Variants in THSD4 observed in about 807,000 individuals in gnomAD.
THSD4 encodes thrombospondin type 1 domain containing 4, also known as thrombospondin type-1 domain-containing protein 4.
THSD4 carries 69 observed loss-of-function variants against 119.0 expected under a neutral mutation model. That is an observed-to-expected ratio of 0.58 (90% CI 0.48 to 0.71). The LOEUF (loss-of-function observed/expected upper bound fraction) is 0.71, where lower values mean the gene tolerates loss of function less well. Ranked by LOEUF, THSD4 falls within the 30% of genes least tolerant of loss-of-function variation. The pLI, the probability that THSD4 is intolerant of heterozygous loss-of-function variation, is 0.00. For missense variants in THSD4, 1,393 were observed against 1,391.1 expected, an observed-to-expected ratio of 1.00 and a Z score of -0.02; for synonymous variants, 524 against 540.4, an observed-to-expected ratio of 0.97 and a Z score of 0.42.
At chr15:71,289,424 C>T (rs2044762472) in intron 6 of THSD4, among the ~76,000 whole-genome samples, 1 of 152,174 alleles carries the variant, frequency 6.6e-6, no homozygotes, top group Non-Finnish European at 1.5e-5. Context: ...CATGCCCCAT[C>T]CTGTTTTCTC....
At chr15:71,560,970 C>CATTT (rs200892599) in intron 7 of THSD4, among the ~76,000 whole-genome samples, 3 of 123,990 alleles carry the variant, frequency 2.4e-5, no homozygotes, top group South Asian at 2.6e-4. Flanking sequence ...TTCTCTTTAT[C>CATTT]TTTTTTTTTT....
In THSD4 at chr15:71,229,247, C is replaced by T. The variant is rs556532110; in HGVS notation, c.465-13402C>T. Among the ~76,000 whole-genome samples, 7 of 152,294 alleles carry T rather than the reference C, an allele frequency of 4.6e-5. No homozygotes were observed. The South Asian group carries it at 1.5e-3, about 32-fold the overall frequency. On this transcript the variant is annotated intron_variant, in intron 4 of 17. Transcript: ENST00000261862. ...TAAAATAAAGTAACTTTGATCTTTG[C>T]AGTGATGGTTAAATGGGATTACACA...
intron 7 of THSD4, among the ~76,000 whole-genome samples, chr15:71,649,790 G>A (rs921464225): frequency 6.6e-5 from 10 of 152,196 alleles, no homozygotes; most frequent in Non-Finnish European, 1.2e-4. Flanking sequence ...TATGGTATAA[G>A]GAAGGAGTTC....
At chr15:71,738,326 G>C (rs937594126) in intron 11 of THSD4, 5 of 272,482 alleles carry the variant, frequency 1.8e-5, no homozygotes, top group African/African-American at 1.1e-4. Context: ...ACCTCCTGCT[G>C]TGCGACCTGG....
At chr15:71,600,894 T>G (rs4614677) in intron 7 of THSD4, among the ~76,000 whole-genome samples, 46,253 of 151,622 alleles carry the variant, frequency 0.31, 7,544 homozygotes, top group African/African-American at 0.43. Flanking sequence ...TTACAGGCAC[T>G]CACCACCATG....
Position 71,719,337 on chromosome 15 carries a change from A to G in THSD4, c.1358-9212A>G, listed in dbSNP as rs557462930. On this transcript the variant is annotated intron_variant, in intron 8 of 17. Transcript: ENST00000261862. The stretch of plus-strand genomic sequence containing the variant: ...TGAGTCCATCCAAACTCAAAATGCC[A>G]AAGTGAATCTGACTGAAAAAAAATT... 3.3e-5 allele frequency among the ~76,000 whole-genome samples: 5 copies of G among 152,166 alleles called. No individual in the cohort carries two copies. The South Asian group carries it at 1.0e-3, about 32-fold the overall frequency.
At chr15:71,537,561 C>A (rs2048703536) in intron 7 of THSD4, among the ~76,000 whole-genome samples, 2 of 151,964 alleles carry the variant, frequency 1.3e-5, no homozygotes, top group East Asian at 1.9e-4. Flanking sequence ...CTTTGTAATT[C>A]TTTTCACATT....
chr15:71,484,332 TGAG>T (rs2047781127), intron 7 of THSD4, among the ~76,000 whole-genome samples: 2 of 152,216 alleles, frequency 1.3e-5, no homozygotes, highest in African/African-American at 4.8e-5. Context: ...GCTGTTTTCA[TGAG>T]TAAGATCTGA....
chr15:71,332,633 A>G (rs1048661717), intron 6 of THSD4, among the ~76,000 whole-genome samples: 2 of 152,106 alleles, frequency 1.3e-5, no homozygotes, highest in African/African-American at 4.8e-5. Context: ...TGATGTTAAC[A>G]TTTTATGGCC....
intron 7 of THSD4, among the ~76,000 whole-genome samples, chr15:71,537,286 A>C (rs987293580): frequency 6.6e-6 from 1 of 152,118 alleles, no homozygotes; most frequent in African/African-American, 2.4e-5. Context: ...CATACAACAG[A>C]AGTAGCCTTT....
intron 7 of THSD4, among the ~76,000 whole-genome samples, chr15:71,484,492 C>T (rs186568980): frequency 3.5e-4 from 53 of 152,306 alleles, no homozygotes; most frequent in Admixed American, 5.2e-4. Flanking sequence ...CAAACCTGTC[C>T]TGTCCTGAGG....
At chr15:71,430,415 A>G (rs2046926913) in intron 7 of THSD4, among the ~76,000 whole-genome samples, 1 of 152,214 alleles carries the variant, frequency 6.6e-6, no homozygotes, top group Non-Finnish European at 1.5e-5. Context: ...GCACTTTTCA[A>G]GTTGGCTTTG....
intron 1 of THSD4, among the ~76,000 whole-genome samples, chr15:71,116,246 G>A (rs2141349430): frequency 6.6e-6 from 1 of 152,372 alleles, no homozygotes; most frequent in Middle Eastern, 3.4e-3. Context: ...CCTGGAGCCC[G>A]AGTGGATGGG....
At chr15:71,716,880 C>T (rs965103573) in intron 8 of THSD4, among the ~76,000 whole-genome samples, 1 of 152,204 alleles carries the variant, frequency 6.6e-6, no homozygotes, top group African/African-American at 2.4e-5. Context: ...TAATATTTAA[C>T]TCCATGAGGT....
At chr15:71,233,647 C>A (rs2044078928) in intron 4 of THSD4, among the ~76,000 whole-genome samples, 1 of 152,130 alleles carries the variant, frequency 6.6e-6, no homozygotes, top group African/African-American at 2.4e-5. Context: ...TCTGAATGCA[C>A]CATAATTAAA....
intron 7 of THSD4, among the ~76,000 whole-genome samples, chr15:71,589,389 A>ACT (rs199579452): frequency 0.12 from 16,452 of 137,404 alleles, 3,593 homozygotes; most frequent in Admixed American, 0.16. Context: ...ACAGAGTCTC[A>ACT]CTGTCATTCA....
intron 7 of THSD4, among the ~76,000 whole-genome samples, chr15:71,516,123 G>A (rs990392719): frequency 6.6e-6 from 1 of 152,202 alleles, no homozygotes; most frequent in African/African-American, 2.4e-5. Context: ...TCTAAATAAA[G>A]TATCTGCTCT....
rs1397895241 is a variant in THSD4, at chr15:71,590,411, A to G, written c.1153-70119A>G. 1.5e-5 allele frequency among the ~76,000 whole-genome samples: 2 copies of G among 137,556 alleles called. 1 individual carries two copies. The highest frequency in any genetic ancestry group is 3.3e-5 in the Non-Finnish European group (2 of 60,578). 90.2% of individuals were successfully genotyped at this position (137,556 alleles called of 152,430 possible). A position where few individuals can be genotyped will look rare whatever the true frequency, so the allele number is the denominator to read the frequency against. Reference sequence around the variant, plus strand: ...GAACATGATCATGTCCTTTGCAGGAACACGGATGGAGCTGGAAGCCATTAT... The same window carrying G: ...GAACATGATCATGTCCTTTGCAGGAGCACGGATGGAGCTGGAAGCCATTAT... On this transcript the variant is annotated intron_variant, in intron 7 of 17. Transcript: ENST00000261862.
intron 6 of THSD4, among the ~76,000 whole-genome samples, chr15:71,310,305 C>A (rs1485653678): frequency 1.3e-5 from 2 of 152,150 alleles, no homozygotes; most frequent in East Asian, 1.9e-4. Context: ...ATGTAAATGT[C>A]TCTGTGGGGG....
Sources: gnomAD v4.1 joint callset for allele counts (sites outside exome capture counted in the v4.1 genomes callset) on GRCh38, gnomAD v4.1.1 for gene constraint, MANE v1.5 for transcripts, NCBI Gene and HGNC (gene_info 2026-07-23, HGNC 2026-07-21) for gene names.